Variants in RIIAD1 observed in about 807,000 individuals in gnomAD.
The protein encoded by RIIAD1 is RIIa domain-containing protein 1.
In RIIAD1, 15 loss-of-function variants were observed where a neutral mutation model predicts 13.3. The ratio of observed to expected loss-of-function variants is 1.13; its 90% CI spans 0.76 to 1.74. The LOEUF is 1.74. Among genes scored for constraint, RIIAD1 ranks in the 40% most tolerant of loss-of-function variants. RIIAD1 has a pLI of 0.00. For missense variants in RIIAD1, 121 were observed against 112.2 expected (o/e 1.08, Z -0.35); for synonymous variants, 50 against 43.3 (o/e 1.16, Z -0.61).
chr1:151,721,773 C>T (rs967417057), intron 1 of RIIAD1, 153 bp downstream of exon 1: 1 of 510,300 alleles, frequency 2.0e-6, no homozygotes, highest in African/African-American at 2.0e-5. Context: ...CCCGGCGGAC[C>T]TCTAGGCGTC....
intron 3 of RIIAD1, chr1:151,714,356 G>A: frequency 1.6e-6 from 1 of 613,742 alleles, no homozygotes; most frequent in Non-Finnish European, 2.9e-6. Flanking sequence ...GTGGGGAAGG[G>A]GCTGCATCTG....
chr1:151,716,145 C>T (rs1673464015), intron 4 of RIIAD1: 4 of 974,378 alleles, frequency 4.1e-6, no homozygotes, highest in Non-Finnish European at 4.4e-6. Context: ...TCCCTTTGGC[C>T]CCCAACCACG....
intron 2 of RIIAD1, among the ~76,000 whole-genome samples, chr1:151,722,781 T>C (rs917226405): frequency 3.3e-5 from 5 of 152,226 alleles, no homozygotes; most frequent in African/African-American, 1.2e-4. Context: ...TGTATTGTAA[T>C]TGAGCTGTCA....
At chr1:151,728,475 G>C (rs991819507) in intron 3 of RIIAD1, 7 of 352,752 alleles carry the variant, frequency 2.0e-5, no homozygotes, top group South Asian at 3.8e-5. Context: ...TGCGACTCGG[G>C]GTAGGTGGGG....
chr1:151,714,222 T>G (rs1673266399), intron 3 of RIIAD1, among the ~76,000 whole-genome samples: 1 of 151,900 alleles, frequency 6.6e-6, no homozygotes, highest in Admixed American at 6.6e-5. Flanking sequence ...CTTTCCAGAG[T>G]GACAAAAGAG....
chr1:151,728,018 C>T (rs1406834225), intron 3 of RIIAD1, among the ~76,000 whole-genome samples: 1 of 152,090 alleles, frequency 6.6e-6, no homozygotes, highest in Non-Finnish European at 1.5e-5. Context: ...GGGTGGGGCC[C>T]AGCATACATA....
At chr1:151,721,789 C>A in intron 1 of RIIAD1, 169 bp downstream of exon 1, 1 of 566,686 alleles carries the variant, frequency 1.8e-6, no homozygotes, top group African/African-American at 1.9e-5. Context: ...GCGTCTGATC[C>A]CAGCACAGAG....
intron 1 of RIIAD1, 26 bp downstream of exon 1, chr1:151,721,646 G>T: frequency 7.9e-7 from 1 of 1,271,658 alleles, no homozygotes; most frequent in Non-Finnish European, 1.0e-6. Context: ...CCCCCATCCA[G>T]CGTCCACCAA....
At chr1:151,719,813 G>T, upstream of RIIAD1, 1 of 586,018 alleles carries the variant, frequency 1.7e-6, no homozygotes, top group Non-Finnish European at 3.0e-6. Context: ...AGGCTTGATT[G>T]ATTATCAAAG....
chr1:151,724,891 C>T (rs182252767), intron 2 of RIIAD1, among the ~76,000 whole-genome samples: 2,322 of 152,074 alleles, frequency 0.015, 65 homozygotes, highest in African/African-American at 0.053. Flanking sequence ...CCTCCGCCTC[C>T]CGTATTCACG....
intron 4 of RIIAD1, chr1:151,716,088 G>A: frequency 6.7e-7 from 1 of 1,497,432 alleles, no homozygotes; most frequent in Non-Finnish European, 8.9e-7. Flanking sequence ...GAGCTGCCCA[G>A]CAAGGAGATA....
At chr1:151,712,951 C>T (rs774733566) in intron 2 of RIIAD1, among the ~76,000 whole-genome samples, 11 of 152,104 alleles carry the variant, frequency 7.2e-5, no homozygotes, top group Admixed American at 2.0e-4. Flanking sequence ...TGCACACACA[C>T]GTGCAAACAC....
chr1:151,717,245 A>C (rs1673553384), upstream of RIIAD1, among the ~76,000 whole-genome samples: 1 of 152,160 alleles, frequency 6.6e-6, no homozygotes, highest in Non-Finnish European at 1.5e-5. Flanking sequence ...GCATAGGCTG[A>C]AGGGAAAGGA....
At chr1:151,727,118 G>A (rs1673844965) in intron 2 of RIIAD1, among the ~76,000 whole-genome samples, 1 of 152,076 alleles carries the variant, frequency 6.6e-6, no homozygotes, top group Non-Finnish European at 1.5e-5. Context: ...GTAAGACTCT[G>A]CCGCTACAAA....
chr1:151,722,011 C>A, intron 1 of RIIAD1, 75 bp from the exon 2 acceptor site: 2 of 1,048,276 alleles, frequency 1.9e-6, no homozygotes, highest in Non-Finnish European at 2.9e-6. Context: ...CCGTTTCCCG[C>A]AGCCCTTCAC....
At chr1:151,714,594 C>T (rs932140826) in intron 4 of RIIAD1, 1 of 1,553,994 alleles carries the variant, frequency 6.4e-7, no homozygotes, top group African/African-American at 1.4e-5. Flanking sequence ...CAGGACTCAC[C>T]CCTGGAAGCG....
intron 2 of RIIAD1, among the ~76,000 whole-genome samples, chr1:151,723,612 A>T (rs962979990): frequency 2.2e-4 from 33 of 152,188 alleles, no homozygotes; most frequent in African/African-American, 8.0e-4. Flanking sequence ...AGGCAGGAGA[A>T]TCGCTTAAAC....
At position 151,722,151 on chromosome 1, in the gene RIIAD1, T is replaced by C. The variant is rs376788992; in HGVS notation, c.150T>C (p.Ser50=). 2.6e-6 allele frequency: 4 copies of C among 1,550,064 alleles called. No individual in the cohort carries two copies. The African/African-American group carries it at 5.5e-5, about 21-fold the overall frequency. ...ACAAAGAAGTAGAGTGGCTCATAAG[T>C]GGTTTCTTCAGGTAGGTGGTTTTCC... ...RTHKEVEWLI[S]GFFREIFLKR... The change falls in exon 2 of 5, where the codon AGT becomes AGC. Residue 50 remains serine, a synonymous_variant. Transcript: ENST00000479191.
At chr1:151,716,123 T>C (rs2101492961) in intron 4 of RIIAD1, 1 of 1,260,030 alleles carries the variant, frequency 7.9e-7, no homozygotes, top group Non-Finnish European at 1.1e-6. Flanking sequence ...GGGGCCCAGC[T>C]GGGGCTGGCT....
Sources: gnomAD v4.1 joint callset for allele counts (sites outside exome capture counted in the v4.1 genomes callset) on GRCh38, gnomAD v4.1.1 for gene constraint, MANE v1.5 for transcripts, NCBI Gene and HGNC (gene_info 2026-07-23, HGNC 2026-07-21) for gene names.